NFIA: variants seen among roughly 807,000 people sequenced by gnomAD.
NFIA encodes the protein nuclear factor I A.
In NFIA, 8 loss-of-function variants were observed where a neutral mutation model predicts 62.8. The observed-to-expected ratio is 0.13, with a 90% CI of 0.07 to 0.23. The LOEUF (loss-of-function observed/expected upper bound fraction) is 0.23, where lower values mean the gene tolerates loss of function less well. Among genes scored for constraint, NFIA ranks in the 10% least tolerant of loss-of-function variants. NFIA has a pLI of 1.00. For missense variants in NFIA, 410 were observed against 642.1 expected (o/e 0.64, Z 3.91); for synonymous variants, 235 against 238.1 (o/e 0.99, Z 0.12).
chr1:61,105,256 C>G lies in NFIA; in HGVS notation c.559+16576C>G, dbSNP rs185280063. 5.5e-4 allele frequency among the ~76,000 whole-genome samples: 84 copies of G among 151,882 alleles called. 1 individual carries two copies. Among genetic ancestry groups the G allele is most frequent in the African/African-American group, 2.0e-3 (83 of 41,484 alleles). ...TACAGTTTAGATGTAGATTTTCTTA[C>G]GATAACTCAAATTATGTTTAAATGA... On this transcript the variant is annotated intron_variant, in intron 2 of 10. Coordinates refer to ENST00000403491, the MANE Select transcript of NFIA (RefSeq NM_001134673.4).
intron 7 of NFIA, among the ~76,000 whole-genome samples, chr1:61,389,318 C>T (rs1415469639): frequency 1.3e-5 from 2 of 152,162 alleles, no homozygotes; most frequent in Non-Finnish European, 2.9e-5. Flanking sequence ...GTCAGCTTAT[C>T]CTGCCACTTT....
chr1:61,138,137 C>G lies in NFIA; in HGVS notation c.559+49457C>G, dbSNP rs1018471351. Among the ~76,000 whole-genome samples, 5 of 151,946 alleles carry G rather than the reference C, an allele frequency of 3.3e-5. No individual in the cohort carries two copies. The East Asian group carries it at 9.6e-4, about 29-fold the overall frequency. ...TTGAGACATGGTCTTTCTCTGTCACCCATGCTGGAGTACATTGGTGAGATA... is the reference window on the plus strand; with the variant it reads ...TTGAGACATGGTCTTTCTCTGTCACGCATGCTGGAGTACATTGGTGAGATA... On this transcript the variant is annotated intron_variant, in intron 2 of 10. Coordinates refer to ENST00000403491, the MANE Select transcript of NFIA (RefSeq NM_001134673.4).
chr1:61,380,342 G>T (rs1212648173), intron 6 of NFIA, among the ~76,000 whole-genome samples: 1 of 151,978 alleles, frequency 6.6e-6, no homozygotes, highest in Non-Finnish European at 1.5e-5. Flanking sequence ...TAAAAATCTG[G>T]TACTTCTAGA....
intron 10 of NFIA, among the ~76,000 whole-genome samples, chr1:61,450,698 A>G (rs1668017173): frequency 6.6e-6 from 1 of 151,710 alleles, no homozygotes; most frequent in South Asian, 2.1e-4. Context: ...CACATTAACA[A>G]CCTCCTTCCG....
chr1:61,157,529 T>G (rs556881354), intron 2 of NFIA, among the ~76,000 whole-genome samples: 1 of 152,338 alleles, frequency 6.6e-6, no homozygotes, highest in South Asian at 2.1e-4. Context: ...GGTTCTGAAG[T>G]GCACAGATTA....
chr1:61,264,682 G>GAAAAAAA (rs1557670241), intron 2 of NFIA, among the ~76,000 whole-genome samples: 1 of 131,974 alleles, frequency 7.6e-6, no homozygotes. Flanking sequence ...AAAAAAAAAG[G>GAAAAAAA]ATTTCCCGAA....
chr1:61,188,488 G>T (rs576771530), intron 2 of NFIA, among the ~76,000 whole-genome samples: 17 of 152,096 alleles, frequency 1.1e-4, no homozygotes, highest in Non-Finnish European at 2.2e-4. Flanking sequence ...TATGAGTTGT[G>T]CATTTACTCT....
chr1:61,286,724 A>C (rs909571530), intron 3 of NFIA, among the ~76,000 whole-genome samples: 4 of 152,252 alleles, frequency 2.6e-5, no homozygotes, highest in African/African-American at 9.6e-5. Flanking sequence ...TCACATGCCA[A>C]GTGGCATCAA....
intron 2 of NFIA, among the ~76,000 whole-genome samples, chr1:61,124,052 A>G (rs1235888779): frequency 1.3e-5 from 2 of 152,234 alleles, no homozygotes; most frequent in Admixed American, 6.5e-5. Flanking sequence ...AGGAAGAACA[A>G]TTGGTTTTGA....
chr1:61,107,119 T>A (rs1570165457), intron 2 of NFIA, among the ~76,000 whole-genome samples: 1 of 151,710 alleles, frequency 6.6e-6, no homozygotes, highest in Non-Finnish European at 1.5e-5. Context: ...TAGCAAGTGC[T>A]ATGAACTGTA....
At chr1:61,341,670 G>GT (rs1374028780) in intron 4 of NFIA, among the ~76,000 whole-genome samples, 1 of 152,126 alleles carries the variant, frequency 6.6e-6, no homozygotes, top group Non-Finnish European at 1.5e-5. Context: ...CAGAAGTAGG[G>GT]TTTTGTCATG....
At chr1:61,209,148 GT>G (rs1653081543) in intron 2 of NFIA, among the ~76,000 whole-genome samples, 1 of 152,000 alleles carries the variant, frequency 6.6e-6, no homozygotes, top group Admixed American at 6.6e-5. Context: ...TCAGATATTG[GT>G]CTTTTGTATT....
intron 6 of NFIA, among the ~76,000 whole-genome samples, chr1:61,364,704 T>C (rs1435650631): frequency 6.6e-6 from 1 of 152,220 alleles, no homozygotes; most frequent in Non-Finnish European, 1.5e-5. Flanking sequence ...TTGTTTAGTA[T>C]TAGCTCCGTA....
chr1:61,146,646 T>C (rs1648016454), intron 2 of NFIA, among the ~76,000 whole-genome samples: 1 of 152,190 alleles, frequency 6.6e-6, no homozygotes, highest in African/African-American at 2.4e-5. Context: ...TGTGTCACGC[T>C]CTGTGTAAGT....
chr1:61,081,881 C>T, upstream of NFIA: 3 of 1,543,372 alleles, frequency 1.9e-6, no homozygotes, highest in African/African-American at 2.7e-5. Flanking sequence ...TGAGCCTTAC[C>T]GCATTTCAGT....
At chr1:61,352,391 G>A (rs2100430006) in intron 4 of NFIA, 59 bp from the exon 5 acceptor site, 1 of 1,199,358 alleles carries the variant, frequency 8.3e-7, no homozygotes, top group East Asian at 2.3e-5. Context: ...TGAGGATGCT[G>A]TCATTGATTT....
rs1362697818 is a variant in NFIA, at chr1:61,419,997, A to G, written c.1421-6468A>G. Reference sequence around the variant, plus strand: ...TACAGATGTGATCAGAATAATAGAAATTCGGCGTAGTTATCCTCTAGATGC... The same window carrying G: ...TACAGATGTGATCAGAATAATAGAAGTTCGGCGTAGTTATCCTCTAGATGC... On this transcript the variant is annotated intron_variant, in intron 9 of 10. Coordinates refer to ENST00000403491, the MANE Select transcript of NFIA (RefSeq NM_001134673.4). Among the ~76,000 whole-genome samples the G allele has an allele frequency of 2.6e-5, 4 of 152,192 alleles. No individual in the cohort carries two copies. In the East Asian group the frequency reaches 5.8e-4, roughly 22 times the overall value.
At chr1:61,106,619 C>T (rs1289298898) in intron 2 of NFIA, among the ~76,000 whole-genome samples, 7 of 151,644 alleles carry the variant, frequency 4.6e-5, no homozygotes, top group Middle Eastern at 3.2e-3. Flanking sequence ...TGTAGAATAT[C>T]GTGGAAAATT....
chr1:61,078,263 GA>G (rs112301617), upstream of NFIA, among the ~76,000 whole-genome samples: 3,509 of 142,426 alleles, frequency 0.025, 113 homozygotes, highest in African/African-American at 0.069. Flanking sequence ...TCGCGTTTAA[GA>G]AAAAAAAAAA....
Sources: gnomAD v4.1 joint callset for allele counts (sites outside exome capture counted in the v4.1 genomes callset) on GRCh38, gnomAD v4.1.1 for gene constraint, MANE v1.5 for transcripts, NCBI Gene and HGNC (gene_info 2026-07-23, HGNC 2026-07-21) for gene names.